Variants in EXT1 observed in about 807,000 individuals in gnomAD.
EXT1 encodes the protein exostosin glycosyltransferase 1, also known as exostosin-1.
EXT1 carries 20 observed loss-of-function variants against 82.5 expected under a neutral mutation model. That is an observed-to-expected ratio of 0.24 (90% confidence interval 0.17 to 0.35). The LOEUF (loss-of-function observed/expected upper bound fraction) is 0.35. EXT1 is among the 10% of genes least tolerant of loss of function. The pLI is 1.00. For synonymous variants in EXT1, 348 were observed against 350.8 expected (o/e 0.99, Z 0.09); for missense variants, 757 against 936.5 (o/e 0.81, Z 2.50).
intron 1 of EXT1, among the ~76,000 whole-genome samples, chr8:117,864,046 C>T (rs183996606): frequency 2.0e-5 from 3 of 152,136 alleles, no homozygotes; most frequent in African/African-American, 7.2e-5. Context: ...AATTTTCCTG[C>T]ACTGACATAT....
intron 1 of EXT1, among the ~76,000 whole-genome samples, chr8:117,843,993 G>T (rs1033948542): frequency 1.3e-5 from 2 of 152,016 alleles, no homozygotes; most frequent in African/African-American, 4.8e-5. Flanking sequence ...ATTTAAAAGG[G>T]CTGTTTCTCT....
intron 7 of EXT1, among the ~76,000 whole-genome samples, chr8:117,817,718 G>C (rs1446689491): frequency 1.3e-5 from 2 of 152,162 alleles, no homozygotes; most frequent in Non-Finnish European, 2.9e-5. Context: ...AATTATAAAT[G>C]ATCAAATGTA....
intron 1 of EXT1, among the ~76,000 whole-genome samples, chr8:117,888,112 TAATA>T (rs942031426): frequency 6.6e-6 from 1 of 150,476 alleles, no homozygotes; most frequent in Non-Finnish European, 1.5e-5. Context: ...TAATAATTAA[TAATA>T]AATAAATAAA....
chr8:117,949,115 T>G (rs1814441857), intron 1 of EXT1, among the ~76,000 whole-genome samples: 1 of 152,178 alleles, frequency 6.6e-6, no homozygotes, highest in African/African-American at 2.4e-5. Context: ...AATGTATCCT[T>G]GGGAGACAAA....
intron 9 of EXT1, among the ~76,000 whole-genome samples, chr8:117,805,816 G>C (rs979899402): frequency 6.6e-6 from 1 of 152,172 alleles, no homozygotes; most frequent in Non-Finnish European, 1.5e-5. Context: ...ACCCTCACTA[G>C]TTTGGCAATC....
chr8:118,056,807 G>A (rs994594022), intron 1 of EXT1, among the ~76,000 whole-genome samples: 5 of 152,196 alleles, frequency 3.3e-5, no homozygotes, highest in Non-Finnish European at 7.3e-5. Context: ...AAGAGAGCCT[G>A]GAAGAGAACT....
chr8:117,856,414 CTGGCTAA>C (rs1287217250), intron 1 of EXT1, among the ~76,000 whole-genome samples: 3 of 143,214 alleles, frequency 2.1e-5, no homozygotes, highest in Non-Finnish European at 4.5e-5. Context: ...GCCACCACGC[CTGGCTAA>C]ATTTTTTTTT....
At chr8:118,005,190 A>G (rs144912676) in intron 1 of EXT1, among the ~76,000 whole-genome samples, 5 of 152,308 alleles carry the variant, frequency 3.3e-5, no homozygotes, top group African/African-American at 1.2e-4. Context: ...AGACCATCAC[A>G]TGCTTAATGA....
chr8:117,976,449 T>A (rs17479908), intron 1 of EXT1, among the ~76,000 whole-genome samples: 1 of 152,200 alleles, frequency 6.6e-6, no homozygotes, highest in African/African-American at 2.4e-5. Context: ...GAGCAAAGAA[T>A]AAGCCACAGA....
chr8:117,938,397 G>A (rs1453602723), intron 1 of EXT1, among the ~76,000 whole-genome samples: 2 of 152,162 alleles, frequency 1.3e-5, no homozygotes, highest in East Asian at 1.9e-4. Context: ...AGGAGGTAAA[G>A]GTTGCGGTGA....
In EXT1 at chr8:118,073,635, A is replaced by AAGAGAAGAGAAGAGAAGAG. The variant is rs1297840741; in HGVS notation, c.962+36431_962+36449dup. 2.7e-4 allele frequency among the ~76,000 whole-genome samples: 8 copies of AAGAGAAGAGAAGAGAAGAG among 29,326 alleles called. No homozygotes were observed. In the East Asian group the frequency reaches 6.4e-3, roughly 23 times the overall value. The allele number at this position is 29,326 out of a possible 152,430, so 19.2% of individuals were successfully genotyped here. A position where few individuals can be genotyped will look rare whatever the true frequency, so the allele number is the denominator to read the frequency against. ...GAAAGGAAGAGAAGAGAAGAGAAAG[A>AAGAGAAGAGAAGAGAAGAG]AGAGAAGAGAAGAGAAGAGAAGAGA... On this transcript the variant is annotated intron_variant, in intron 1 of 10. Coordinates refer to ENST00000378204, the MANE Select transcript of EXT1 (RefSeq NM_000127.3).
intron 1 of EXT1, among the ~76,000 whole-genome samples, chr8:117,861,334 T>C (rs1226710167): frequency 6.6e-6 from 1 of 152,194 alleles, no homozygotes; most frequent in Non-Finnish European, 1.5e-5. Context: ...AGGGACTAGT[T>C]TGTTATTTTA....
chr8:118,109,371 A>AG (rs1298132017), intron 1 of EXT1, among the ~76,000 whole-genome samples: 1 of 151,572 alleles, frequency 6.6e-6, no homozygotes, highest in East Asian at 1.9e-4. Context: ...AAAAAAAAAA[A>AG]AAAAGTTTAT....
intron 1 of EXT1, 52 bp from the exon 2 acceptor site, chr8:117,837,253 G>A (rs1563575738): frequency 1.4e-6 from 2 of 1,467,104 alleles, no homozygotes; most frequent in Non-Finnish European, 1.9e-6. Context: ...GCGAATGTGG[G>A]GATATTGACC....
At position 117,980,693 on chromosome 8, in the gene EXT1, TGGTG is replaced by T. The variant is rs752955076; in HGVS notation, c.962+129388_962+129391del. The stretch of plus-strand genomic sequence containing the variant: ...AGGGAAGGTTTGTTTGTTCGGGTGT[TGGTG>T]GTTTTTTTTTTTTTTTTTTTTTTTT... On this transcript the variant is annotated intron_variant, in intron 1 of 10. Transcript: ENST00000378204. 5.0e-3 allele frequency among the ~76,000 whole-genome samples: 137 copies of T among 27,586 alleles called. 12 individuals are homozygous for T. The highest frequency in any genetic ancestry group is 0.03 in the South Asian group (18 of 598). 18.1% of individuals were successfully genotyped at this position (27,586 alleles called of 152,430 possible).
At chr8:118,018,258 C>A (rs1459042443) in intron 1 of EXT1, among the ~76,000 whole-genome samples, 1 of 151,998 alleles carries the variant, frequency 6.6e-6, no homozygotes, top group African/African-American at 2.4e-5. Flanking sequence ...AGGGTGGGTG[C>A]CTAAGCCAAT....
At chr8:118,041,665 A>AAG (rs1808255896) in intron 1 of EXT1, among the ~76,000 whole-genome samples, 35 of 125,184 alleles carry the variant, frequency 2.8e-4, no homozygotes, top group African/African-American at 7.4e-4. Flanking sequence ...AGAGAGAGAA[A>AAG]GAAGGAAGGA....
intron 1 of EXT1, among the ~76,000 whole-genome samples, chr8:117,877,593 C>T (rs538131448): frequency 1.7e-4 from 26 of 152,216 alleles, no homozygotes; most frequent in Middle Eastern, 3.4e-3. Flanking sequence ...GTTGAAATTT[C>T]TCAGTGGGGA....
At chr8:117,850,680 C>G (rs1482620668) in intron 1 of EXT1, among the ~76,000 whole-genome samples, 1 of 152,196 alleles carries the variant, frequency 6.6e-6, no homozygotes, top group Non-Finnish European at 1.5e-5. Flanking sequence ...ATCAAACACA[C>G]TGCCTCCTTT....
Sources: gnomAD v4.1 joint callset for allele counts (sites outside exome capture counted in the v4.1 genomes callset) on GRCh38, gnomAD v4.1.1 for gene constraint, MANE v1.5 for transcripts, NCBI Gene and HGNC (gene_info 2026-07-23, HGNC 2026-07-21) for gene names.